ZCCHC14: variants seen among roughly 807,000 people sequenced by gnomAD.
ZCCHC14 encodes the protein zinc finger CCHC-type containing 14.
ZCCHC14 carries 16 observed loss-of-function variants against 85.0 expected under a neutral mutation model. That is an observed-to-expected ratio of 0.19 (90% CI 0.13 to 0.29). ZCCHC14 has a LOEUF of 0.29. Among genes scored for constraint, ZCCHC14 ranks in the 10% least tolerant of loss-of-function variants. The probability of loss-of-function intolerance (pLI) is 1.00; values close to 1 mark genes in which losing one functional copy is unlikely to be tolerated. For synonymous variants in ZCCHC14, 775 were observed against 630.7 expected, an observed-to-expected ratio of 1.23 and a Z score of -3.43; for missense variants, 1,303 against 1,443.5, an observed-to-expected ratio of 0.90 and a Z score of 1.58.
In ZCCHC14 at chr16:87,411,816, T is replaced by C. The variant is rs1362887973; in HGVS notation, c.2905A>G (p.Ser969Gly). Residue 969 changes from serine (S) to glycine (G), a missense_variant, in exon 12 of 13, where the codon AGC (serine) becomes GGC (glycine). Ser to Gly is a moderately conservative substitution (Grantham distance 56). Coordinates refer to ENST00000671377, the MANE Select transcript of ZCCHC14 (RefSeq NM_015144.3). ...TGCTGGGCGCTGACGTAGCCGCTGC[T>C]GCACATGGGACTGAAGGGCAAGAAG... ...FPFLPFSPMC[S>G]SGYVSAQQYG... 1 of 1,611,826 alleles carries C rather than the reference T, an allele frequency of 6.2e-7. No individual in the cohort carries two copies. Among genetic ancestry groups the C allele is most frequent in the Non-Finnish European group, 8.5e-7 (1 of 1,179,222 alleles).
chr16:87,479,247 C>T (rs1033550659), intron 1 of ZCCHC14, among the ~76,000 whole-genome samples: 3 of 151,936 alleles, frequency 2.0e-5, no homozygotes, highest in Non-Finnish European at 4.4e-5. Flanking sequence ...GAAACCCTGT[C>T]TCTACTAAAA....
At chr16:87,449,020 GCCCTTGGTC>G (rs1321498517) in intron 2 of ZCCHC14, among the ~76,000 whole-genome samples, 1 of 152,188 alleles carries the variant, frequency 6.6e-6, no homozygotes, top group Non-Finnish European at 1.5e-5. Context: ...GCTCCCATGT[GCCCTTGGTC>G]CCCAGTTCAA....
At chr16:87,443,044 G>A (rs574942529) in intron 2 of ZCCHC14, among the ~76,000 whole-genome samples, 3 of 152,348 alleles carry the variant, frequency 2.0e-5, no homozygotes, top group African/African-American at 7.2e-5. Context: ...AGGAAGGAAA[G>A]AAAAGCAAGA....
chr16:87,418,629 G>A (rs1908923240), intron 7 of ZCCHC14, among the ~76,000 whole-genome samples: 1 of 152,230 alleles, frequency 6.6e-6, no homozygotes, highest in African/African-American at 2.4e-5. Context: ...CCAGGACCTT[G>A]CACTGGGGAG....
chr16:87,488,214 A>C (rs142714815), intron 1 of ZCCHC14, among the ~76,000 whole-genome samples: 2 of 152,342 alleles, frequency 1.3e-5, no homozygotes, highest in African/African-American at 4.8e-5. Context: ...ACAAAGAAAA[A>C]GCCGCAAAGG....
At chr16:87,441,834 T>C (rs1449204342) in intron 2 of ZCCHC14, among the ~76,000 whole-genome samples, 1 of 152,190 alleles carries the variant, frequency 6.6e-6, no homozygotes, top group African/African-American at 2.4e-5. Context: ...GAAAACGTAG[T>C]GTTGGGGGAC....
intron 1 of ZCCHC14, among the ~76,000 whole-genome samples, chr16:87,479,888 TAG>T (rs1912187467): frequency 2.0e-5 from 3 of 152,092 alleles, no homozygotes; most frequent in African/African-American, 7.2e-5. Flanking sequence ...ACTCTCGTGT[TAG>T]AGAGTTCTTC....
At chr16:87,469,146 C>G (rs1056590291) in intron 1 of ZCCHC14, among the ~76,000 whole-genome samples, 3 of 152,216 alleles carry the variant, frequency 2.0e-5, no homozygotes, top group East Asian at 1.9e-4. Flanking sequence ...TTGCCAGGCT[C>G]AAGTCATCCT....
At position 87,412,184 on chromosome 16, in the gene ZCCHC14, G is replaced by C; in HGVS notation, c.2537C>G (p.Pro846Arg). The C allele has an allele frequency of 6.2e-7, 1 of 1,614,062 alleles. No individual in the cohort carries two copies. The highest frequency in any genetic ancestry group is 8.5e-7 in the Non-Finnish European group (1 of 1,180,042). Reference protein sequence around the residue: ...GFCANSNTASPSSHPSTSFAN... With the variant: ...GFCANSNTASRSSHPSTSFAN... Reference sequence around the variant, plus strand: ...AAAGGACGTGGAGGGGTGGCTGCTGGGAGAGGCAGTGTTGCTGTTTGCACA... The same window carrying C: ...AAAGGACGTGGAGGGGTGGCTGCTGCGAGAGGCAGTGTTGCTGTTTGCACA... Residue 846 changes from proline (P) to arginine (R), a missense_variant, in exon 12 of 13, where the codon CCC (proline) becomes CGC (arginine). Pro to Arg is a moderately radical substitution (Grantham distance 103). This residue lies in a region of ZCCHC14 where 797 missense variants were observed against 730.8 expected (regional missense o/e 1.09). Transcript: ENST00000671377.
At chr16:87,487,579 G>C (rs1912565694) in intron 1 of ZCCHC14, among the ~76,000 whole-genome samples, 1 of 152,242 alleles carries the variant, frequency 6.6e-6, no homozygotes, top group Admixed American at 6.5e-5. Context: ...TCCACCAGGT[G>C]GAACAGGAGC....
At chr16:87,474,865 C>T (rs1329360244) in intron 1 of ZCCHC14, among the ~76,000 whole-genome samples, 1 of 152,202 alleles carries the variant, frequency 6.6e-6, no homozygotes, top group Non-Finnish European at 1.5e-5. Flanking sequence ...TCCAGGACAG[C>T]AAGGTCACAC....
chr16:87,487,370 G>A (rs1039311365), intron 1 of ZCCHC14, among the ~76,000 whole-genome samples: 5 of 152,160 alleles, frequency 3.3e-5, no homozygotes, highest in Admixed American at 2.0e-4. Flanking sequence ...AAACACAAAC[G>A]GCAGGGCCCT....
Position 87,420,744 on chromosome 16 carries a change from T to A in ZCCHC14, c.841-28A>T. 6.3e-7 allele frequency: 1 copy of A among 1,587,192 alleles called. No homozygotes were observed. The highest frequency in any genetic ancestry group is 1.3e-5 in the African/African-American group (1 of 74,496). ...GGAAGAGAGGACAAGGTAGAGGAGGTGTGTCCAGACCCATCCAACACCAGC... is the reference window on the plus strand; with the variant it reads ...GGAAGAGAGGACAAGGTAGAGGAGGAGTGTCCAGACCCATCCAACACCAGC... On this transcript the variant is annotated intron_variant, in intron 4 of 12. Coordinates refer to ENST00000671377, the MANE Select transcript of ZCCHC14 (RefSeq NM_015144.3). The surrounding 1 kb of genome is among the most constrained non-coding windows in gnomAD (Gnocchi z 5.0).
At chr16:87,437,337 CAAAAAAAAAAAAA>C (rs34871367) in intron 2 of ZCCHC14, among the ~76,000 whole-genome samples, 10 of 57,736 alleles carry the variant, frequency 1.7e-4, no homozygotes, top group South Asian at 8.0e-4. Flanking sequence ...AATTCCATCT[CAAAAAAAAAAAAA>C]AAAAAAAAAA....
intron 12 of ZCCHC14, among the ~76,000 whole-genome samples, chr16:87,410,663 G>A (rs545306863): frequency 4.6e-5 from 7 of 152,330 alleles, no homozygotes; most frequent in East Asian, 3.9e-4. Flanking sequence ...GTGAGCGCTG[G>A]TGAGTGCCCC....
chr16:87,415,134 A>T, intron 9 of ZCCHC14, 142 bp downstream of exon 9: 1 of 611,742 alleles, frequency 1.6e-6, no homozygotes, highest in Non-Finnish European at 2.8e-6. Context: ...ATAAATAAAA[A>T]TAAATAAAAG....
At chr16:87,447,424 C>T (rs959370134) in intron 2 of ZCCHC14, among the ~76,000 whole-genome samples, 31 of 152,128 alleles carry the variant, frequency 2.0e-4, no homozygotes, top group African/African-American at 7.0e-4. Flanking sequence ...TGAATCAAGA[C>T]GCAGTGCTTT....
intron 1 of ZCCHC14, among the ~76,000 whole-genome samples, chr16:87,482,801 CTT>C (rs1236586096): frequency 6.6e-6 from 1 of 152,114 alleles, no homozygotes. Flanking sequence ...ATAAAACTAA[CTT>C]TGTACCTTAT....
intron 1 of ZCCHC14, among the ~76,000 whole-genome samples, chr16:87,466,175 A>AC (rs1911511929): frequency 6.6e-6 from 1 of 151,934 alleles, no homozygotes; most frequent in Non-Finnish European, 1.5e-5. Flanking sequence ...CTGACAGAAA[A>AC]AAACCCAGCA....
Sources: gnomAD v4.1 joint callset for allele counts (sites outside exome capture counted in the v4.1 genomes callset) on GRCh38, gnomAD v4.1.1 for gene constraint, gnomAD v4.1.1 regional missense constraint, Gnocchi (gnomAD v3.1) non-coding constraint, MANE v1.5 for transcripts, NCBI Gene and HGNC (gene_info 2026-07-23, HGNC 2026-07-21) for gene names.